Variants in PTPRD observed in about 807,000 individuals in gnomAD.
PTPRD encodes protein tyrosine phosphatase receptor type D, also known as receptor-type tyrosine-protein phosphatase delta.
PTPRD carries 34 observed loss-of-function variants against 214.5 expected under a neutral mutation model. The observed-to-expected ratio is 0.16, with a 90% confidence interval of 0.12 to 0.21. The LOEUF (loss-of-function observed/expected upper bound fraction) is 0.21, where lower values mean the gene tolerates loss of function less well. Among genes scored for constraint, PTPRD ranks in the 10% least tolerant of loss-of-function variants. The pLI, the probability that PTPRD is intolerant of heterozygous loss-of-function variation, is 1.00. For synonymous variants in PTPRD, 1,128 were observed against 845.7 expected (o/e 1.33, Z -5.79); for missense variants, 2,545 against 2,398.7 (o/e 1.06, Z -1.27).
At chr9:10,057,949 G>T (rs1370976237) in intron 3 of PTPRD, among the ~76,000 whole-genome samples, 1 of 151,984 alleles carries the variant, frequency 6.6e-6, no homozygotes, top group Non-Finnish European at 1.5e-5. Context: ...AAATAAGAAT[G>T]ACTTTAGTCT....
chr9:9,603,279 C>G (rs777437271), intron 7 of PTPRD, among the ~76,000 whole-genome samples: 13 of 152,132 alleles, frequency 8.5e-5, no homozygotes, highest in Non-Finnish European at 1.0e-4. Context: ...TCCTACACCC[C>G]TTGCATAGGC....
chr9:9,744,912 T>C (rs1209340055), intron 6 of PTPRD, among the ~76,000 whole-genome samples: 1 of 151,992 alleles, frequency 6.6e-6, no homozygotes, highest in Non-Finnish European at 1.5e-5. Context: ...TTGCATGTAG[T>C]TCTAATGCTG....
chr9:9,126,808 T>G (rs901277147), intron 10 of PTPRD, among the ~76,000 whole-genome samples: 13 of 152,238 alleles, frequency 8.5e-5, no homozygotes, highest in Non-Finnish European at 1.6e-4. Context: ...ATTTGTAAGA[T>G]TATTGTAATC....
chr9:9,083,795 T>A (rs890087004), intron 10 of PTPRD, among the ~76,000 whole-genome samples: 1 of 151,884 alleles, frequency 6.6e-6, no homozygotes, highest in South Asian at 2.1e-4. Flanking sequence ...AAAAAACATA[T>A]GAAAAAAAGC....
intron 10 of PTPRD, among the ~76,000 whole-genome samples, chr9:9,121,650 A>G (rs1386657418): frequency 3.3e-5 from 5 of 152,070 alleles, no homozygotes; most frequent in Admixed American, 3.3e-4. Context: ...GAAGGATACA[A>G]TGGACTTTGG....
chr9:9,836,134 T>C (rs2056681678), intron 5 of PTPRD, among the ~76,000 whole-genome samples: 3 of 152,098 alleles, frequency 2.0e-5, no homozygotes, highest in Admixed American at 2.0e-4. Flanking sequence ...TGGACAAATG[T>C]TTAAGGAAAT....
chr9:9,200,815 C>G (rs1037384073), intron 9 of PTPRD, among the ~76,000 whole-genome samples: 4 of 152,124 alleles, frequency 2.6e-5, no homozygotes, highest in Non-Finnish European at 5.9e-5. Flanking sequence ...ACTGCAAAAA[C>G]CTTTAGAACA....
At chr9:10,194,345 TAGAGAGAGAGAGAGAGAGAG>T (rs1182799154) in intron 3 of PTPRD, among the ~76,000 whole-genome samples, 792 of 39,552 alleles carry the variant, frequency 0.02, 5 homozygotes, top group African/African-American at 0.041. Context: ...TATATATATA[TAGAGAGAGAGAGAGAGAGAG>T]AGAGAGAGAG....
chr9:10,417,028 G>T (rs2098497816), intron 2 of PTPRD, among the ~76,000 whole-genome samples: 1 of 151,840 alleles, frequency 6.6e-6, no homozygotes, highest in South Asian at 2.1e-4. Flanking sequence ...ATAGTAGAGG[G>T]TGTTGATGAA....
chr9:10,264,111 C>T (rs2093888183), intron 3 of PTPRD, among the ~76,000 whole-genome samples: 1 of 152,174 alleles, frequency 6.6e-6, no homozygotes, highest in Admixed American at 6.5e-5. Flanking sequence ...ACCTGGAAGT[C>T]CAGGCAGAAG....
At chr9:9,457,512 T>C (rs534204190) in intron 8 of PTPRD, among the ~76,000 whole-genome samples, 1 of 152,076 alleles carries the variant, frequency 6.6e-6, no homozygotes, top group African/African-American at 2.4e-5. Flanking sequence ...TATCAGAACA[T>C]CCAAGGAGGC....
chr9:9,423,878 C>T (rs553864669), intron 8 of PTPRD, among the ~76,000 whole-genome samples: 1 of 152,166 alleles, frequency 6.6e-6, no homozygotes, highest in South Asian at 2.1e-4. Flanking sequence ...AAATACAAAA[C>T]TTACGAGAAA....
At chr9:9,992,501 G>C (rs1588376419) in intron 4 of PTPRD, among the ~76,000 whole-genome samples, 1 of 151,656 alleles carries the variant, frequency 6.6e-6, no homozygotes, top group Non-Finnish European at 1.5e-5. Context: ...ACATGCACAT[G>C]TATGTTTATA....
chr9:9,701,319 G>C (rs1050802104), intron 7 of PTPRD, among the ~76,000 whole-genome samples: 9 of 151,986 alleles, frequency 5.9e-5, no homozygotes, highest in African/African-American at 2.2e-4. Context: ...AACTAATTAA[G>C]GACAAAAGCA....
intron 9 of PTPRD, among the ~76,000 whole-genome samples, chr9:9,368,149 C>T (rs557192809): frequency 3.2e-4 from 48 of 151,850 alleles, no homozygotes; most frequent in Non-Finnish European, 6.0e-4. Flanking sequence ...CTGATCAAGG[C>T]CCATGGGGTA....
At chr9:8,892,424 G>C (rs1295144109) in intron 11 of PTPRD, among the ~76,000 whole-genome samples, 1 of 151,918 alleles carries the variant, frequency 6.6e-6, no homozygotes, top group African/African-American at 2.4e-5. Flanking sequence ...CATTTTCCAA[G>C]AATCTGTGTT....
At chr9:9,609,449 G>A (rs538230215) in intron 7 of PTPRD, among the ~76,000 whole-genome samples, 79 of 152,228 alleles carry the variant, frequency 5.2e-4, no homozygotes, top group African/African-American at 1.9e-3. Flanking sequence ...GTAACAATGT[G>A]AAGGTGTTTT....
At chr9:9,279,994 T>G (rs1947070290) in intron 9 of PTPRD, among the ~76,000 whole-genome samples, 1 of 151,298 alleles carries the variant, frequency 6.6e-6, no homozygotes, top group African/African-American at 2.4e-5. Flanking sequence ...GTTTCTATAT[T>G]GATAGGTTAT....
chr9:9,244,055 A>G (rs1429442848), intron 9 of PTPRD, among the ~76,000 whole-genome samples: 1 of 152,172 alleles, frequency 6.6e-6, no homozygotes, highest in Admixed American at 6.5e-5. Flanking sequence ...AAGAGAATAA[A>G]ATACCTAGGA....
Sources: gnomAD v4.1 joint callset for allele counts (sites outside exome capture counted in the v4.1 genomes callset) on GRCh38, gnomAD v4.1.1 for gene constraint, MANE v1.5 for transcripts, NCBI Gene and HGNC (gene_info 2026-07-23, HGNC 2026-07-21) for gene names.